RIOX2: variants seen among roughly 807,000 people sequenced by gnomAD.
RIOX2 encodes the protein ribosomal oxygenase 2, also known as 60S ribosomal protein L27a histidine hydroxylase.
In RIOX2, 43 loss-of-function variants were observed where a neutral mutation model predicts 51.2. The observed-to-expected ratio is 0.84, with a 90% CI of 0.66 to 1.08. The LOEUF is 1.08. RIOX2 is among the 50% of genes least tolerant of loss of function. RIOX2 has a pLI of 0.00. For synonymous variants in RIOX2, 226 were observed against 218.5 expected (o/e 1.03, Z -0.30); for missense variants, 566 against 561.7 (o/e 1.01, Z -0.08).
At position 97,959,033 on chromosome 3, in the gene RIOX2, A is replaced by T. The variant is rs754667526; in HGVS notation, c.681+18T>A. On this transcript the variant is annotated intron_variant, in intron 4 of 9. Transcript: ENST00000394198. ...CAATGGCTCTAACAATGAGGTGCCC[A>T]CAACGGTTATCACATACCTTCAGCA... The T allele has an allele frequency of 3.1e-6, 5 of 1,597,776 alleles. No individual in the cohort carries two copies. In the East Asian group the frequency reaches 1.1e-4, roughly 36 times the overall value.
rs1395653413 is a variant in RIOX2 at position 97,949,901 on chromosome 3, T to C, written c.1003A>G (p.Ile335Val). 3.1e-6 allele frequency: 5 copies of C among 1,613,622 alleles called. No homozygotes were observed. The highest frequency in any genetic ancestry group is 4.2e-6 in the Non-Finnish European group (5 of 1,179,942). Reference sequence around the variant, plus strand: ...GAGTAAGGGGGGAGTCTGTGCATAATAAAATCCTTCTTCATGTCTGAGGAA... The same window carrying C: ...GAGTAAGGGGGGAGTCTGTGCATAACAAAATCCTTCTTCATGTCTGAGGAA... ...LLSSDMKKDF[I>V]MHRLPPYSAG... The change falls in exon 7 of 10, where the codon ATT (isoleucine) becomes GTT (valine). Residue 335 changes from isoleucine to valine, a missense_variant. Transcript: ENST00000394198.
At position 97,942,305 on chromosome 3, in the gene RIOX2, G is replaced by A; in HGVS notation, c.*2879C>T. The A allele has an allele frequency of 6.2e-7, 1 of 1,610,564 alleles. No individual in the cohort carries two copies. Among genetic ancestry groups the A allele is most frequent in the Non-Finnish European group, 8.5e-7 (1 of 1,177,926 alleles). ...TTAGGCCAGTGATACATGTCTTGAT[G>A]TGATTGGTGGCCGGGACACACCTGG... is the stretch of plus-strand genomic sequence containing the variant. On this transcript the variant is annotated 3_prime_UTR_variant, in exon 10 of 10. Coordinates refer to ENST00000394198, the MANE Select transcript of RIOX2 (RefSeq NM_153182.4).
At chr3:97,948,648 A>G (rs564634609) in intron 7 of RIOX2, among the ~76,000 whole-genome samples, 1 of 152,198 alleles carries the variant, frequency 6.6e-6, no homozygotes, top group Non-Finnish European at 1.5e-5. Context: ...TGCCTACCAG[A>G]TAACATTTAG....
intron 2 of RIOX2, among the ~76,000 whole-genome samples, chr3:97,965,910 G>A (rs9877544): frequency 0.48 from 72,235 of 151,986 alleles, 18,321 homozygotes; most frequent in East Asian, 0.75. Context: ...TTTTATTGAC[G>A]GTGTCCATAT....
At chr3:97,963,073 A>G (rs1705746305) in intron 2 of RIOX2, among the ~76,000 whole-genome samples, 2 of 152,200 alleles carry the variant, frequency 1.3e-5, no homozygotes, top group South Asian at 2.1e-4. Flanking sequence ...AATCCACTGT[A>G]TTAAAAATAT....
At position 97,942,992 on chromosome 3, in the gene RIOX2, A is replaced by G. The variant is rs1361877995; in HGVS notation, c.*2192T>C. ...CTAAAGAATCACATTAAGGCACGCC[A>G]CTTATACAATCATGTATTATACCTT... On this transcript the variant is annotated 3_prime_UTR_variant, in exon 10 of 10. Transcript: ENST00000394198. 4.4e-6 allele frequency: 2 copies of G among 459,686 alleles called. No homozygotes were observed. Among genetic ancestry groups the G allele is most frequent in the Non-Finnish European group, 7.6e-6 (2 of 262,480 alleles). 28.5% of individuals were successfully genotyped at this position (459,686 alleles called of 1,614,324 possible).
chr3:97,954,255 G>A, intron 5 of RIOX2, 137 bp downstream of exon 5: 3 of 636,796 alleles, frequency 4.7e-6, no homozygotes, highest in Middle Eastern at 4.3e-4. Flanking sequence ...AAGGAATGTG[G>A]AAGTCAGTAA....
At chr3:97,952,240 A>G in intron 5 of RIOX2, 2 of 1,289,690 alleles carry the variant, frequency 1.6e-6, no homozygotes, top group Non-Finnish European at 2.0e-6. Context: ...TTCTCATTCT[A>G]GCTCCAGCAT....
chr3:97,968,124 C>A (rs1318274608), intron 1 of RIOX2, among the ~76,000 whole-genome samples: 1 of 152,142 alleles, frequency 6.6e-6, no homozygotes, highest in Admixed American at 6.5e-5. Flanking sequence ...CACCGCAGCA[C>A]CACCCCAACT....
At chr3:97,961,825 C>T (rs1325093424) in intron 2 of RIOX2, 117 bp from the exon 3 acceptor site, 3 of 1,101,422 alleles carry the variant, frequency 2.7e-6, no homozygotes, top group Admixed American at 3.4e-5. Context: ...AACTATTATA[C>T]ACCAGATACT....
intron 5 of RIOX2, 61 bp from the exon 6 acceptor site, chr3:97,950,949 TA>T (rs1316673676): frequency 2.5e-6 from 3 of 1,183,922 alleles, no homozygotes; most frequent in Non-Finnish European, 3.7e-6. Flanking sequence ...GAAATATACA[TA>T]AAATACTTAT....
chr3:97,960,126 C>T (rs1576009737), intron 3 of RIOX2, among the ~76,000 whole-genome samples: 1 of 152,070 alleles, frequency 6.6e-6, no homozygotes, highest in Admixed American at 6.6e-5. Context: ...CAACTTAAGC[C>T]GTGAATAACA....
chr3:97,961,881 T>G (rs949140480), intron 2 of RIOX2, among the ~76,000 whole-genome samples, 173 bp from the exon 3 acceptor site: 7 of 152,156 alleles, frequency 4.6e-5, no homozygotes, highest in African/African-American at 1.7e-4. Context: ...CTCAAAAATC[T>G]TCCATTCCAG....
chr3:97,949,931 G>C lies in RIOX2; in HGVS notation c.973C>G (p.Leu325Val), dbSNP rs1158059906. The change falls in exon 7 of 10, where the codon CTG (leucine) becomes GTG (valine). Residue 325 changes from leucine to valine, a missense_variant. By Grantham distance (32) the Leu-to-Val change is conservative. Transcript: ENST00000394198. ...TCCTTCTTCATGTCTGAGGAAAGCA[G>C]TTCTTTGGTGCCCTCCAGCCGGTCT... ...LADRLEGTKE[L>V]LSSDMKKDFI... The C allele has an allele frequency of 4.3e-6, 7 of 1,613,894 alleles. No individual in the cohort carries two copies. The highest frequency in any genetic ancestry group is 4.0e-5 in the African/African-American group (3 of 74,904).
chr3:97,954,042 A>G (rs756281038), intron 5 of RIOX2: 95 of 203,620 alleles, frequency 4.7e-4, no homozygotes, highest in Non-Finnish European at 4.0e-4. Context: ...TTTATGTTCT[A>G]TATATTTTAT....
At chr3:97,962,827 T>G (rs764001724) in intron 2 of RIOX2, among the ~76,000 whole-genome samples, 2 of 152,156 alleles carry the variant, frequency 1.3e-5, no homozygotes, top group Non-Finnish European at 2.9e-5. Flanking sequence ...CATGAGACCA[T>G]GCAACTAGTA....
In RIOX2 at chr3:97,943,635, T is replaced by C. The variant is rs2040284783; in HGVS notation, c.*1549A>G. On this transcript the variant is annotated 3_prime_UTR_variant, in exon 10 of 10. Transcript: ENST00000394198. ...CACCAAACGTGAATCCTGTTCCTGATGGCCCGTTATTGGACACTGGTGATG... is the reference window on the plus strand; with the variant it reads ...CACCAAACGTGAATCCTGTTCCTGACGGCCCGTTATTGGACACTGGTGATG... The C allele has an allele frequency of 3.5e-6, 1 of 286,942 alleles. No homozygotes were observed. Among genetic ancestry groups the C allele is most frequent in the African/African-American group, 2.3e-5 (1 of 43,634 alleles). The allele number at this position is 286,942 out of a possible 1,614,324, so 17.8% of individuals were successfully genotyped here. A position where few individuals can be genotyped will look rare whatever the true frequency, so the allele number is the denominator to read the frequency against.
chr3:97,942,239 T>G lies in RIOX2; in HGVS notation c.*2945A>C. 1.3e-6 allele frequency: 2 copies of G among 1,549,736 alleles called. No homozygotes were observed. The highest frequency in any genetic ancestry group is 1.8e-6 in the Non-Finnish European group (2 of 1,140,142). ...AAAAGGGACCTAATTCAACTTACTT[T>G]AGCAAACATACTACTGCCAATTAAT... is the stretch of plus-strand genomic sequence containing the variant. On this transcript the variant is annotated 3_prime_UTR_variant, in exon 10 of 10. Transcript: ENST00000394198.
chr3:97,971,535 G>A (rs1043779632), intron 1 of RIOX2: 13 of 152,194 alleles, frequency 8.5e-5, no homozygotes, highest in African/African-American at 3.1e-4. Context: ...TTGACCTAAA[G>A]GAGTGATCAG....
Sources: allele counts gnomAD v4.1 joint callset (sites outside exome capture counted in the v4.1 genomes callset), GRCh38; gene constraint gnomAD v4.1.1; transcripts MANE v1.5; gene names NCBI Gene and HGNC (gene_info 2026-07-23, HGNC 2026-07-21).